NAT10: variants seen among roughly 807,000 people sequenced by gnomAD.
NAT10 encodes RNA cytidine acetyltransferase.
A neutral mutation model predicts 132.2 loss-of-function variants in NAT10; 109 were observed. The observed-to-expected ratio is 0.82, with a 90% CI of 0.71 to 0.97. The LOEUF (loss-of-function observed/expected upper bound fraction) is 0.97. Among genes scored for constraint, NAT10 ranks in the 50% least tolerant of loss-of-function variants. The pLI, the probability that NAT10 is intolerant of heterozygous loss-of-function variation, is 0.00. For synonymous variants in NAT10, 479 were observed against 478.0 expected (o/e 1.00, Z -0.03); for missense variants, 1,184 against 1,263.4 (o/e 0.94, Z 0.95).
chr11:34,126,620 A>AT (rs1186806764), intron 11 of NAT10, among the ~76,000 whole-genome samples: 1 of 152,290 alleles, frequency 6.6e-6, no homozygotes, highest in African/African-American at 2.4e-5. Flanking sequence ...TTGAGTTTTA[A>AT]TTTCTCTAAG....
chr11:34,127,652 T>C (rs2957512), intron 12 of NAT10, 53 bp downstream of exon 12: 1,563,570 of 1,564,278 alleles, frequency 1, 781,438 homozygotes, highest in East Asian at 1. Flanking sequence ...CTTGCAGATT[T>C]AGGGGCATGT....
Position 34,141,826 on chromosome 11 carries a change from C to A in NAT10, c.2811+9C>A. 6.2e-7 allele frequency: 1 copy of A among 1,610,748 alleles called. No individual in the cohort carries two copies. Among genetic ancestry groups the A allele is most frequent in the Non-Finnish European group, 8.5e-7 (1 of 1,177,736 alleles). Reference sequence around the variant, plus strand: ...CCCTCAGTGACGACCTAGTATGTCCCTGCTCATGGCCTCGGGAGTCCCAGC... The same window carrying A: ...CCCTCAGTGACGACCTAGTATGTCCATGCTCATGGCCTCGGGAGTCCCAGC... On this transcript the variant is annotated intron_variant, in intron 26 of 28. Transcript: ENST00000257829.
intron 15 of NAT10, 113 bp from the exon 16 acceptor site, chr11:34,132,913 A>T: frequency 1.2e-6 from 1 of 804,970 alleles, no homozygotes; most frequent in South Asian, 1.5e-5. Context: ...TCTGCTCCTC[A>T]CTTGGCTTTG....
intron 3 of NAT10, among the ~76,000 whole-genome samples, chr11:34,110,084 G>A (rs1214472402): frequency 3.3e-5 from 5 of 152,094 alleles, no homozygotes; most frequent in Admixed American, 6.6e-5. Flanking sequence ...AACCACCATG[G>A]CATCACCTAA....
intron 5 of NAT10, among the ~76,000 whole-genome samples, chr11:34,115,096 C>T (rs529247421): frequency 2.6e-5 from 4 of 152,292 alleles, no homozygotes; most frequent in Admixed American, 2.0e-4. Context: ...GCGGAGGTTG[C>T]GGTGAGCTGA....
In NAT10 at chr11:34,127,017, C is replaced by G. The variant is rs973445458; in HGVS notation, c.1108-446C>G. Among the ~76,000 whole-genome samples, 4 of 152,154 alleles carry G rather than the reference C, an allele frequency of 2.6e-5. 1 individual carries two copies. Among genetic ancestry groups the G allele is most frequent in the Non-Finnish European group, 5.9e-5 (4 of 68,034 alleles). On this transcript the variant is annotated intron_variant, in intron 11 of 28. Coordinates refer to ENST00000257829, the MANE Select transcript of NAT10 (RefSeq NM_024662.3). ...AGCCACCACTGGGGTCGAGCTATGC[C>G]TCGAGCTCATCGGCTTTCCTTATCT...
intron 10 of NAT10, 105 bp from the exon 11 acceptor site, chr11:34,124,197 T>G: frequency 1.3e-6 from 1 of 757,452 alleles, no homozygotes; most frequent in Admixed American, 2.6e-5. Context: ...GATACAGTGC[T>G]GGGTTTAAAT....
intron 8 of NAT10, 123 bp from the exon 9 acceptor site, chr11:34,122,336 C>G: frequency 1.6e-6 from 2 of 1,273,362 alleles, no homozygotes; most frequent in Non-Finnish European, 2.2e-6. Context: ...GCTTTCTGGC[C>G]TGCAAGAACT....
chr11:34,117,230 G>C (rs1269228672), intron 6 of NAT10, among the ~76,000 whole-genome samples: 1 of 152,134 alleles, frequency 6.6e-6, no homozygotes, highest in Non-Finnish European at 1.5e-5. Flanking sequence ...TTTTTGAGGG[G>C]TGTGGGAACA....
At chr11:34,137,832 G>A (rs1353891541) in intron 21 of NAT10, among the ~76,000 whole-genome samples, 4 of 152,196 alleles carry the variant, frequency 2.6e-5, no homozygotes, top group South Asian at 2.1e-4. Flanking sequence ...GGTGTCACAC[G>A]TCAAGGTGAA....
chr11:34,115,202 T>C (rs771562374), intron 5 of NAT10, among the ~76,000 whole-genome samples: 1 of 152,164 alleles, frequency 6.6e-6, no homozygotes, highest in Non-Finnish European at 1.5e-5. Context: ...AGAGAGTTAG[T>C]TTTCTTTGCT....
intron 13 of NAT10, 82 bp downstream of exon 13, chr11:34,131,019 A>G (rs1487047638): frequency 1.9e-6 from 3 of 1,564,656 alleles, no homozygotes; most frequent in East Asian, 2.3e-5. Context: ...CTGTGACATC[A>G]TGGGAAGCAC....
chr11:34,116,658 G>T (rs1355188087), intron 6 of NAT10, among the ~76,000 whole-genome samples: 2 of 152,046 alleles, frequency 1.3e-5, no homozygotes, highest in Non-Finnish European at 2.9e-5. Flanking sequence ...ACAGAGACAC[G>T]ATCTTGGCTC....
intron 28 of NAT10, among the ~76,000 whole-genome samples, chr11:34,145,196 C>G (rs1432711434): frequency 6.6e-6 from 1 of 152,246 alleles, no homozygotes; most frequent in East Asian, 1.9e-4. Flanking sequence ...CTTGGCCTTT[C>G]CTGCCATTTG....
chr11:34,116,887 G>C (rs1471255830), intron 6 of NAT10, among the ~76,000 whole-genome samples: 1 of 152,012 alleles, frequency 6.6e-6, no homozygotes, highest in Non-Finnish European at 1.5e-5. Flanking sequence ...GAGCCACCGT[G>C]CCTGGCCATT....
chr11:34,116,542 C>T (rs1054026110), intron 6 of NAT10, among the ~76,000 whole-genome samples: 25 of 151,906 alleles, frequency 1.6e-4, no homozygotes, highest in African/African-American at 5.1e-4. Context: ...ATCAGCCTCC[C>T]GAGTAGCTGG....
At chr11:34,111,341 C>T (rs1851690886) in intron 3 of NAT10, among the ~76,000 whole-genome samples, 1 of 152,188 alleles carries the variant, frequency 6.6e-6, no homozygotes, top group East Asian at 1.9e-4. Context: ...TGGAGGCCCA[C>T]AGGAGGAAAG....
chr11:34,139,095 C>G, intron 21 of NAT10, 96 bp from the exon 22 acceptor site: 2 of 1,189,374 alleles, frequency 1.7e-6, no homozygotes, highest in Admixed American at 1.8e-5. Context: ...TGCGGAAGCA[C>G]TAAGCCTTTC....
At position 34,112,237 on chromosome 11, in the gene NAT10, T is replaced by C; in HGVS notation, c.372+14T>C. The stretch of plus-strand genomic sequence containing the variant: ...TGTGTGCTGCAGGTGGGTGGCTTCC[T>C]CTAACCTGTGATTGAAGTCAGAGTC... On this transcript the variant is annotated intron_variant, in intron 4 of 28. Transcript: ENST00000257829. 6.2e-7 allele frequency: 1 copy of C among 1,614,074 alleles called. No individual in the cohort carries two copies. The highest frequency in any genetic ancestry group is 1.6e-4 in the Middle Eastern group (1 of 6,062).
Sources: gnomAD v4.1 joint callset for allele counts (sites outside exome capture counted in the v4.1 genomes callset) on GRCh38, gnomAD v4.1.1 for gene constraint, MANE v1.5 for transcripts, NCBI Gene and HGNC (gene_info 2026-07-23, HGNC 2026-07-21) for gene names.